Variants in LDLRAD4 observed in about 807,000 individuals in gnomAD.
LDLRAD4 encodes the protein low density lipoprotein receptor class A domain containing 4.
LDLRAD4 carries 5 observed loss-of-function variants against 17.0 expected under a neutral mutation model. That is an observed-to-expected ratio of 0.29 (90% confidence interval 0.15 to 0.62). LDLRAD4 has a LOEUF of 0.62. LDLRAD4 is among the 20% of genes least tolerant of loss of function. The pLI, the probability that LDLRAD4 is intolerant of heterozygous loss-of-function variation, is 0.84. For missense variants in LDLRAD4, 340 were observed against 424.7 expected (o/e 0.80, Z 1.75); for synonymous variants, 168 against 171.8 (o/e 0.98, Z 0.17).
At chr18:13,228,993 T>G (rs1385622240) in intron 1 of LDLRAD4, among the ~76,000 whole-genome samples, 1 of 152,248 alleles carries the variant, frequency 6.6e-6, no homozygotes, top group Non-Finnish European at 1.5e-5. Flanking sequence ...TGAATCCTCA[T>G]CCTTTGGTTG....
intron 2 of LDLRAD4, among the ~76,000 whole-genome samples, chr18:13,408,771 G>A (rs1568112282): frequency 2.0e-5 from 3 of 152,098 alleles, no homozygotes; most frequent in African/African-American, 7.2e-5. Context: ...CTTATTAATC[G>A]AGCTTCCTTT....
chr18:13,231,628 T>C (rs1038573156), intron 1 of LDLRAD4, among the ~76,000 whole-genome samples: 3 of 152,232 alleles, frequency 2.0e-5, no homozygotes, highest in Non-Finnish European at 4.4e-5. Context: ...CACAAAACGC[T>C]TACATTTCAT....
chr18:13,347,811 T>C (rs1599580363), intron 1 of LDLRAD4, among the ~76,000 whole-genome samples: 1 of 152,222 alleles, frequency 6.6e-6, no homozygotes, highest in African/African-American at 2.4e-5. Flanking sequence ...TCTTGCTTCA[T>C]TTCATTCATT....
At chr18:13,352,254 T>C (rs970725151) in intron 1 of LDLRAD4, among the ~76,000 whole-genome samples, 3 of 152,208 alleles carry the variant, frequency 2.0e-5, no homozygotes, top group African/African-American at 4.8e-5. Context: ...GTGTTGGAAG[T>C]TGTGGCCAGG....
At chr18:13,585,489 G>C (rs980497406) in intron 3 of LDLRAD4, 1 of 152,156 alleles carries the variant, frequency 6.6e-6, no homozygotes, top group African/African-American at 2.4e-5. Context: ...GCACTAATGA[G>C]CAAGCAGGGT....
chr18:13,530,523 A>G (rs2094111165), intron 3 of LDLRAD4, among the ~76,000 whole-genome samples: 1 of 152,232 alleles, frequency 6.6e-6, no homozygotes, highest in South Asian at 2.1e-4. Flanking sequence ...CCAAAATGAA[A>G]TGATTTCCAG....
chr18:13,380,032 A>C (rs914497221), intron 1 of LDLRAD4, among the ~76,000 whole-genome samples: 1 of 114,372 alleles, frequency 8.7e-6, no homozygotes, highest in African/African-American at 3.0e-5. Flanking sequence ...ACGCCAGGCC[A>C]CAGTGGGAGC....
At chr18:13,272,011 T>C (rs528536112) in intron 1 of LDLRAD4, among the ~76,000 whole-genome samples, 24 of 149,094 alleles carry the variant, frequency 1.6e-4, no homozygotes, top group Non-Finnish European at 3.3e-4. Context: ...TTCTCCTGCC[T>C]CAGCCTCCCG....
At chr18:13,503,298 C>G (rs980724558) in intron 3 of LDLRAD4, among the ~76,000 whole-genome samples, 1 of 152,216 alleles carries the variant, frequency 6.6e-6, no homozygotes, top group Non-Finnish European at 1.5e-5. Context: ...AGCAGCATCT[C>G]AATTCTGCGC....
chr18:13,337,740 TA>T (rs5823248), intron 1 of LDLRAD4, among the ~76,000 whole-genome samples: 69 of 135,702 alleles, frequency 5.1e-4, no homozygotes, highest in Non-Finnish European at 4.3e-4. Flanking sequence ...TTACAAAAAG[TA>T]AAAAAAAAAA....
intron 1 of LDLRAD4, among the ~76,000 whole-genome samples, chr18:13,234,606 G>T (rs1298041381): frequency 1.3e-5 from 2 of 152,206 alleles, no homozygotes; most frequent in Non-Finnish European, 2.9e-5. Flanking sequence ...AGGTGTGGGT[G>T]TGAGGCCATC....
At chr18:13,222,582 C>T (rs2041519512) in intron 1 of LDLRAD4, among the ~76,000 whole-genome samples, 2 of 152,164 alleles carry the variant, frequency 1.3e-5, no homozygotes, top group Non-Finnish European at 2.9e-5. Context: ...GCCGGCTGGG[C>T]GCCGCTCATG....
rs1366611022 is a variant in LDLRAD4, at chr18:13,440,744, C to T, written c.181+2360C>T. 1.3e-5 allele frequency among the ~76,000 whole-genome samples: 2 copies of T among 152,192 alleles called. No homozygotes were observed. Among genetic ancestry groups the T allele is most frequent in the Non-Finnish European group, 2.9e-5 (2 of 68,028 alleles). ...CCATGGGAAACACAGTCTATGTCAT[C>T]GTGTTGCAGTTGCCATCTCCACTCC... is the stretch of plus-strand genomic sequence containing the variant. On this transcript the variant is annotated intron_variant, in intron 3 of 5. Transcript: ENST00000359446. The surrounding 1 kb of genome is among the most constrained non-coding windows in gnomAD (Gnocchi z 4.4).
At position 13,498,763 on chromosome 18, in the gene LDLRAD4, C is replaced by T. The variant is rs141961213; in HGVS notation, c.181+60379C>T. On this transcript the variant is annotated intron_variant, in intron 3 of 5. Transcript: ENST00000359446. ...AGAATCCTTCTGCCCACACACATCC[C>T]GCCGTGGACACTGGAGAATCCTTCT... Among the ~76,000 whole-genome samples, 490 of 145,400 alleles carry T rather than the reference C, an allele frequency of 3.4e-3. 1 individual carries two copies. Among genetic ancestry groups the T allele is most frequent in the African/African-American group, 0.012 (471 of 39,476 alleles).
chr18:13,517,434 C>T (rs1010863832), intron 3 of LDLRAD4, among the ~76,000 whole-genome samples: 1 of 152,198 alleles, frequency 6.6e-6, no homozygotes, highest in Non-Finnish European at 1.5e-5. Flanking sequence ...GAGGTAGCTC[C>T]GTTTTGGAAA....
At chr18:13,376,606 C>T (rs2084929241) in intron 1 of LDLRAD4, among the ~76,000 whole-genome samples, 2 of 152,286 alleles carry the variant, frequency 1.3e-5, no homozygotes, top group South Asian at 4.1e-4. Context: ...GAGACGGCTC[C>T]TGCAGTTGCC....
At chr18:13,343,089 CT>C (rs1034813804) in intron 1 of LDLRAD4, among the ~76,000 whole-genome samples, 2 of 151,744 alleles carry the variant, frequency 1.3e-5, no homozygotes, top group Admixed American at 6.6e-5. Context: ...AAACAATAGA[CT>C]TTTTTATTAT....
Position 13,503,253 on chromosome 18 carries a change from A to AT in LDLRAD4, c.181+64870dup, listed in dbSNP as rs2093641150. Among the ~76,000 whole-genome samples the AT allele has an allele frequency of 5.3e-5, 8 of 152,324 alleles. No homozygotes were observed. In the South Asian group the frequency reaches 1.7e-3, roughly 32 times the overall value. On this transcript the variant is annotated intron_variant, in intron 3 of 5. Coordinates refer to ENST00000359446, the Ensembl canonical transcript of LDLRAD4. ...TGGCCCTAGGTACTAACTGTTGGAA[A>AT]TGGCAGCATTGAAAAGTGCAGCACT...
intron 2 of LDLRAD4, among the ~76,000 whole-genome samples, chr18:13,404,759 C>T (rs1387215056): frequency 6.6e-6 from 1 of 151,300 alleles, no homozygotes; most frequent in East Asian, 1.9e-4. Context: ...GATCGTGCCA[C>T]TGCTCTCCAG....
Sources: gnomAD v4.1 joint callset for allele counts (sites outside exome capture counted in the v4.1 genomes callset) on GRCh38, gnomAD v4.1.1 for gene constraint, Gnocchi (gnomAD v3.1) non-coding constraint, MANE v1.5 for transcripts, NCBI Gene and HGNC (gene_info 2026-07-23, HGNC 2026-07-21) for gene names.